The following PPFIA2 variants were observed in gnomAD, a reference collection of about 807,000 sequenced individuals.
PPFIA2 encodes PPFI scaffold protein A2, also known as liprin-alpha-2.
Under a neutral mutation model 175.5 loss-of-function variants are expected in PPFIA2, and 46 were observed. The observed-to-expected ratio is 0.26, with a 90% CI of 0.21 to 0.34. The LOEUF is 0.34. Among genes scored for constraint, PPFIA2 ranks in the 10% least tolerant of loss-of-function variants. The pLI, the probability that PPFIA2 is intolerant of heterozygous loss-of-function variation, is 1.00. For synonymous variants in PPFIA2, 568 were observed against 511.4 expected, an observed-to-expected ratio of 1.11 and a Z score of -1.49; for missense variants, 1,179 against 1,506.1, an observed-to-expected ratio of 0.78 and a Z score of 3.60.
At chr12:81,377,080 G>A (rs1428744474) in intron 9 of PPFIA2, among the ~76,000 whole-genome samples, 2 of 151,836 alleles carry the variant, frequency 1.3e-5, no homozygotes, top group Non-Finnish European at 2.9e-5. Context: ...TTTAAATAAA[G>A]AGAGAAAATA....
At chr12:81,417,303 T>A (rs187426853) in intron 7 of PPFIA2, 2 of 151,836 alleles carry the variant, frequency 1.3e-5, no homozygotes. Context: ...TCTAGCATCA[T>A]GAAATTTGAC....
At chr12:81,540,445 G>T (rs2066033541) in intron 4 of PPFIA2, among the ~76,000 whole-genome samples, 1 of 151,984 alleles carries the variant, frequency 6.6e-6, no homozygotes, top group Non-Finnish European at 1.5e-5. Context: ...CAAAGGCTGG[G>T]CTTGGTCTCT....
chr12:81,461,805 C>A (rs2054584134), intron 4 of PPFIA2, among the ~76,000 whole-genome samples: 1 of 151,964 alleles, frequency 6.6e-6, no homozygotes, highest in African/African-American at 2.4e-5. Context: ...AAATACTCTT[C>A]ATCATCCCTC....
At chr12:81,441,934 T>C (rs1424156221) in intron 6 of PPFIA2, among the ~76,000 whole-genome samples, 2 of 152,112 alleles carry the variant, frequency 1.3e-5, no homozygotes, top group African/African-American at 4.8e-5. Context: ...TTTTAAAATA[T>C]CAACACATTA....
intron 28 of PPFIA2, among the ~76,000 whole-genome samples, chr12:81,271,390 C>T (rs1333414083): frequency 6.6e-6 from 1 of 152,178 alleles, no homozygotes; most frequent in Non-Finnish European, 1.5e-5. Context: ...CCTGCCTCAC[C>T]CTCCCAAGTA....
Position 81,281,308 on chromosome 12 carries a change from A to G in PPFIA2, c.3161T>C (p.Leu1054Pro), listed in dbSNP as rs745969761. The G allele has an allele frequency of 6.2e-7, 1 of 1,610,512 alleles. No individual in the cohort carries two copies. Among genetic ancestry groups the G allele is most frequent in the Non-Finnish European group, 8.5e-7 (1 of 1,177,902 alleles). Residue 1054 changes from leucine (L) to proline (P), a missense_variant, in exon 27 of 33, where the codon CTA (leucine) becomes CCA (proline). By Grantham distance (98) the Leu-to-Pro change is moderately conservative. This residue lies in a region of PPFIA2 where 245 missense variants were observed against 375.1 expected (regional missense o/e 0.65). Transcript: ENST00000549396. The part of the protein sequence containing the change: ...CLVDARMLDH[L>P]TKKDLRVHLK... ...ATGGACACGGAGATCTTTTTTTGTT[A>G]GGTGATCTAACATTCTTGCATCTAC...
intron 23 of PPFIA2, chr12:81,296,515 T>G (rs1410416384): frequency 1.3e-5 from 2 of 152,138 alleles, no homozygotes; most frequent in East Asian, 1.9e-4. Context: ...CCATTTTCCC[T>G]CCATCATTAG....
intron 3 of PPFIA2, among the ~76,000 whole-genome samples, chr12:81,704,700 T>C (rs998350788): frequency 1.3e-5 from 2 of 152,046 alleles, no homozygotes; most frequent in Admixed American, 6.6e-5. Flanking sequence ...ATACCCACAA[T>C]TCTGAATTTT....
rs945807848 is a variant in PPFIA2 at position 81,538,727 on chromosome 12, T to G, written c.304-80861A>C. ...TTTTGTGGAACAGGATGGGGGCTGG[T>G]GCAGACAACATGGAGTGAACTAGGG... On this transcript the variant is annotated intron_variant, in intron 4 of 32. Transcript: ENST00000549396. 1.4e-4 allele frequency among the ~76,000 whole-genome samples: 22 copies of G among 151,874 alleles called. 1 individual carries two copies. The highest frequency in any genetic ancestry group is 1.5e-4 in the Non-Finnish European group (10 of 67,910).
intron 4 of PPFIA2, among the ~76,000 whole-genome samples, chr12:81,619,147 T>C (rs11114939): frequency 1.3e-5 from 2 of 152,150 alleles, no homozygotes; most frequent in Admixed American, 1.3e-4. Context: ...TACTACATTC[T>C]TCTCTTTGGA....
At position 81,258,305 on chromosome 12, in the gene PPFIA2, C is replaced by CTGT. The variant is rs2034405128; in HGVS notation, c.*1386_*1388dup. The CTGT allele has an allele frequency of 6.6e-6, 1 of 152,062 alleles. No homozygotes were observed. The allele number at this position is 152,062 out of a possible 1,614,324, so 9.4% of individuals were successfully genotyped here. On this transcript the variant is annotated 3_prime_UTR_variant, in exon 33 of 33. Transcript: ENST00000549396. Reference sequence around the variant, plus strand: ...TTTTTATTGACAATGGAAAGGGTTTCTGTTATCATTACCTTTTGACTGAAT... The same window carrying CTGT: ...TTTTTATTGACAATGGAAAGGGTTTCTGTTGTTATCATTACCTTTTGACTGAAT...
At position 81,366,482 on chromosome 12, in the gene PPFIA2, A is replaced by T. The variant is rs116953533; in HGVS notation, c.1545+626T>A. Among the ~76,000 whole-genome samples, 318 of 151,666 alleles carry T rather than the reference A, an allele frequency of 2.1e-3. 1 individual carries two copies. The highest frequency in any genetic ancestry group is 4.0e-3 in the Non-Finnish European group (274 of 67,758). ...GAGTCCTACTTTCCCTTAAATCTTC[A>T]GTCAAGTCCCTCCTTCCTGAAGTCT... On this transcript the variant is annotated intron_variant, in intron 14 of 32. Transcript: ENST00000549396.
At chr12:81,351,897 C>A (rs1416437940) in intron 17 of PPFIA2, among the ~76,000 whole-genome samples, 1 of 151,756 alleles carries the variant, frequency 6.6e-6, no homozygotes, top group African/African-American at 2.4e-5. Flanking sequence ...CAGTGTGAGA[C>A]CCTATTTAAA....
At chr12:81,373,850 A>G (rs2035757097) in intron 11 of PPFIA2, among the ~76,000 whole-genome samples, 1 of 152,082 alleles carries the variant, frequency 6.6e-6, no homozygotes, top group Non-Finnish European at 1.5e-5. Context: ...CTTAGCAAAT[A>G]TTAATGATTG....
intron 4 of PPFIA2, among the ~76,000 whole-genome samples, chr12:81,496,753 T>C (rs1028796532): frequency 6.6e-6 from 1 of 152,178 alleles, no homozygotes; most frequent in African/African-American, 2.4e-5. Context: ...TGAAGGAATA[T>C]GCTGAGTAAA....
intron 22 of PPFIA2, 36 bp downstream of exon 22, chr12:81,325,741 A>G (rs1017900568): frequency 7.0e-7 from 1 of 1,426,362 alleles, no homozygotes; most frequent in Admixed American, 1.7e-5. Flanking sequence ...GGAATTGATA[A>G]AAGTTAGAAA....
At chr12:81,695,833 C>G (rs1254453671) in intron 3 of PPFIA2, among the ~76,000 whole-genome samples, 1 of 152,086 alleles carries the variant, frequency 6.6e-6, no homozygotes, top group Non-Finnish European at 1.5e-5. Context: ...TTTATATTTC[C>G]CAACTCTGGT....
At chr12:81,586,853 A>T (rs1446749952) in intron 4 of PPFIA2, among the ~76,000 whole-genome samples, 2 of 151,944 alleles carry the variant, frequency 1.3e-5, no homozygotes, top group South Asian at 2.1e-4. Flanking sequence ...CAATAAAAAG[A>T]TTATTTGTAA....
Position 81,683,103 on chromosome 12 carries a change from T to C in PPFIA2, c.250-6259A>G, listed in dbSNP as rs866132027. 5.3e-5 allele frequency among the ~76,000 whole-genome samples: 8 copies of C among 152,196 alleles called. 1 individual carries two copies. The Middle Eastern group carries it at 0.02, about 388-fold the overall frequency. On this transcript the variant is annotated intron_variant, in intron 3 of 32. Transcript: ENST00000549396. ...ATTATAGCCATGTAAAATGCAATAA[T>C]GCAAAATTAAACTCTTGATTCCATC...
Sources: gnomAD v4.1 joint callset for allele counts (sites outside exome capture counted in the v4.1 genomes callset) on GRCh38, gnomAD v4.1.1 for gene constraint, gnomAD v4.1.1 regional missense constraint, MANE v1.5 for transcripts, NCBI Gene and HGNC (gene_info 2026-07-23, HGNC 2026-07-21) for gene names.